ACTR3C: variants seen among roughly 807,000 people sequenced by gnomAD.
ACTR3C encodes the protein actin-related protein 3C.
In ACTR3C, 18 loss-of-function variants were observed where a neutral mutation model predicts 26.3. That is an observed-to-expected ratio of 0.68 (90% confidence interval 0.47 to 1.01). The LOEUF is 1.01. ACTR3C is among the 50% of genes least tolerant of loss of function. The probability of loss-of-function intolerance (pLI) is 0.00; values close to 1 mark genes in which losing one functional copy is unlikely to be tolerated. For synonymous variants in ACTR3C, 55 were observed against 94.5 expected (o/e 0.58, Z 2.42); for missense variants, 184 against 250.7 (o/e 0.73, Z 1.80).
chr7:150,184,768 A>G, the ACTR3C span, among the ~76,000 whole-genome samples: 1 of 148,910 alleles, frequency 6.7e-6, no homozygotes, highest in East Asian at 1.9e-4. Context: ...TTGAGCTCAC[A>G]TAACTGCTTA....
chr7:150,073,209 C>T, the ACTR3C span, among the ~76,000 whole-genome samples: 10 of 152,218 alleles, frequency 6.6e-5, no homozygotes, highest in African/African-American at 2.4e-4. Flanking sequence ...CATGAGGACA[C>T]AGCGAGAAGC....
the ACTR3C span, among the ~76,000 whole-genome samples, chr7:150,112,284 G>A: frequency 1.3e-5 from 2 of 152,184 alleles, no homozygotes; most frequent in African/African-American, 4.8e-5. Context: ...GGTGGATGAG[G>A]CCAGAACTTG....
chr7:150,046,678 G>C, the ACTR3C span, among the ~76,000 whole-genome samples: 1 of 141,554 alleles, frequency 7.1e-6, no homozygotes, highest in Admixed American at 7.1e-5. Context: ...GGAAAAGAAG[G>C]CCTCAAAGAA....
the ACTR3C span, among the ~76,000 whole-genome samples, chr7:150,076,081 C>G: frequency 2.0e-4 from 30 of 152,154 alleles, no homozygotes; most frequent in African/African-American, 7.2e-4. Flanking sequence ...ATCTGACTTC[C>G]AATTCAACGT....
chr7:150,279,491 A>T (rs1223316474), intron 6 of ACTR3C, among the ~76,000 whole-genome samples: 2 of 151,386 alleles, frequency 1.3e-5, no homozygotes, highest in South Asian at 4.2e-4. Flanking sequence ...AGAGTTTTTA[A>T]CAACTCCCAA....
At chr7:150,317,788 T>C (rs958797915) in intron 1 of ACTR3C, among the ~76,000 whole-genome samples, 7 of 152,118 alleles carry the variant, frequency 4.6e-5, no homozygotes, top group African/African-American at 9.7e-5. Flanking sequence ...CAGATGGATA[T>C]TGAATTTTGT....
At chr7:150,160,962 CAG>C in the ACTR3C span, among the ~76,000 whole-genome samples, 2 of 149,124 alleles carry the variant, frequency 1.3e-5, no homozygotes, top group African/African-American at 5.0e-5. Context: ...GAGCTGGGAA[CAG>C]AGACTCTGTA....
intron 6 of ACTR3C, among the ~76,000 whole-genome samples, chr7:150,258,592 T>C (rs921164239): frequency 1.3e-5 from 2 of 152,272 alleles, no homozygotes; most frequent in East Asian, 3.8e-4. Flanking sequence ...TTAGTAATTG[T>C]AGTAACCCCC....
At chr7:150,243,448 T>G (rs901280629), downstream of ACTR3C, among the ~76,000 whole-genome samples, 1 of 152,118 alleles carries the variant, frequency 6.6e-6, no homozygotes, top group South Asian at 2.1e-4. Context: ...GTGGAACTTA[T>G]GGTTAATTCT....
the ACTR3C span, among the ~76,000 whole-genome samples, chr7:150,101,840 G>A: frequency 2.6e-5 from 4 of 151,664 alleles, no homozygotes; most frequent in Non-Finnish European, 4.4e-5. Flanking sequence ...TAGCACTTTA[G>A]TCTGGGGTGT....
chr7:150,170,457 G>A, the ACTR3C span, among the ~76,000 whole-genome samples: 252 of 150,218 alleles, frequency 1.7e-3, 3 homozygotes, highest in Non-Finnish European at 2.9e-3. Flanking sequence ...TGATATACAC[G>A]GAGTACTGCC....
chr7:149,929,071 C>G, the ACTR3C span, among the ~76,000 whole-genome samples: 1 of 152,116 alleles, frequency 6.6e-6, no homozygotes, highest in African/African-American at 2.4e-5. Context: ...TAAATGGAGA[C>G]AGAATAATAG....
chr7:150,004,817 T>C, the ACTR3C span: 3 of 152,214 alleles, frequency 2.0e-5, no homozygotes, highest in African/African-American at 7.2e-5. Flanking sequence ...CCTGTTCTGT[T>C]CTGAAAAATG....
the ACTR3C span, among the ~76,000 whole-genome samples, chr7:150,166,480 C>T: frequency 4.0e-5 from 6 of 150,866 alleles, no homozygotes; most frequent in Non-Finnish European, 7.3e-5. Flanking sequence ...GGGTAGATCA[C>T]TTGAGGTCAG....
chr7:150,041,888 C>T, the ACTR3C span, among the ~76,000 whole-genome samples: 6 of 138,358 alleles, frequency 4.3e-5, no homozygotes, highest in Non-Finnish European at 6.3e-5. Flanking sequence ...CCTCCCCCTC[C>T]TGCGATGGGG....
chr7:150,017,058 G>C, the ACTR3C span, among the ~76,000 whole-genome samples: 1 of 152,030 alleles, frequency 6.6e-6, no homozygotes, highest in Non-Finnish European at 1.5e-5. Flanking sequence ...CAGGATTAGA[G>C]TCAACAGCCA....
chr7:150,113,553 T>C, the ACTR3C span, among the ~76,000 whole-genome samples: 1 of 152,238 alleles, frequency 6.6e-6, no homozygotes, highest in African/African-American at 2.4e-5. Flanking sequence ...GCAGTATATA[T>C]GCTTAGTGGA....
chr7:150,164,982 G>A, the ACTR3C span, among the ~76,000 whole-genome samples: 4 of 152,116 alleles, frequency 2.6e-5, no homozygotes, highest in South Asian at 4.1e-4. Context: ...CCTCTGTGGC[G>A]GATTGTTATT....
chr7:149,923,693 TAC>T, the ACTR3C span, among the ~76,000 whole-genome samples: 4 of 151,350 alleles, frequency 2.6e-5, no homozygotes, highest in Middle Eastern at 3.4e-3. Context: ...ACAGACTAGG[TAC>T]ACACACACAC....
Sources: gnomAD v4.1 joint callset for allele counts (sites outside exome capture counted in the v4.1 genomes callset) on GRCh38, gnomAD v4.1.1 for gene constraint, MANE v1.5 for transcripts, NCBI Gene and HGNC (gene_info 2026-07-23, HGNC 2026-07-21) for gene names.